Variants in SYT10 observed in about 807,000 individuals in gnomAD.
SYT10 encodes the protein synaptotagmin-10.
Under a neutral mutation model 51.1 loss-of-function variants are expected in SYT10, and 31 were observed. The observed-to-expected ratio is 0.61, with a 90% confidence interval of 0.46 to 0.82. SYT10 has a LOEUF of 0.82. Among genes scored for constraint, SYT10 ranks in the 40% least tolerant of loss-of-function variants. SYT10 has a pLI of 0.00. For synonymous variants in SYT10, 233 were observed against 225.9 expected, an observed-to-expected ratio of 1.03 and a Z score of -0.28; for missense variants, 603 against 634.0, an observed-to-expected ratio of 0.95 and a Z score of 0.53.
At chr12:33,408,890 T>G (rs1866381690) in intron 2 of SYT10, among the ~76,000 whole-genome samples, 1 of 152,220 alleles carries the variant, frequency 6.6e-6, no homozygotes, top group Non-Finnish European at 1.5e-5. Flanking sequence ...CCTTTACCCA[T>G]AGGATTTACT....
chr12:33,401,994 T>C (rs1866310996), intron 3 of SYT10, among the ~76,000 whole-genome samples: 1 of 152,220 alleles, frequency 6.6e-6, no homozygotes, highest in Admixed American at 6.5e-5. Flanking sequence ...AGACAATGCT[T>C]CCATTAGCAT....
chr12:33,426,161 A>C lies in SYT10; in HGVS notation c.486T>G (p.Ile162Met). 1 of 1,606,242 alleles carries C rather than the reference A, an allele frequency of 6.2e-7. No homozygotes were observed. Among genetic ancestry groups the C allele is most frequent in the Non-Finnish European group, 8.5e-7 (1 of 1,178,036 alleles). The change falls in exon 2 of 7, where the codon ATT becomes ATG. Residue 162 changes from isoleucine to methionine, a missense_variant. Ile to Met is a conservative substitution (Grantham distance 10). Coordinates refer to ENST00000228567, the MANE Select transcript of SYT10 (RefSeq NM_198992.4). ...ACCGGGTTGATGACGTAGGCTCAGT[A>C]ATTTGTCTTTGCACACGTGCATGTT... Reference protein sequence around the residue: ...LIKHARVQRQITEPTSSTRHS... With the variant: ...LIKHARVQRQMTEPTSSTRHS...
intron 2 of SYT10, among the ~76,000 whole-genome samples, chr12:33,413,071 G>T (rs1403197046): frequency 6.6e-6 from 1 of 152,194 alleles, no homozygotes; most frequent in Non-Finnish European, 1.5e-5. Context: ...TCAAGTGGAA[G>T]AAAGGGTATC....
intron 1 of SYT10, among the ~76,000 whole-genome samples, chr12:33,427,662 A>T (rs1866563998): frequency 6.6e-6 from 1 of 152,248 alleles, no homozygotes; most frequent in African/African-American, 2.4e-5. Flanking sequence ...ATTGCTTGCC[A>T]TAGCAATTAT....
intron 3 of SYT10, among the ~76,000 whole-genome samples, chr12:33,398,609 C>A (rs1243698106): frequency 6.6e-6 from 1 of 152,102 alleles, no homozygotes; most frequent in Non-Finnish European, 1.5e-5. Context: ...AACTTTCTGA[C>A]TTGAATAGAA....
intron 2 of SYT10, among the ~76,000 whole-genome samples, chr12:33,423,550 G>A (rs1293636283): frequency 6.6e-6 from 1 of 152,080 alleles, no homozygotes; most frequent in Admixed American, 6.6e-5. Flanking sequence ...TAAGGGTTTT[G>A]AGAACTAGAA....
At chr12:33,424,690 A>C (rs1866534524) in intron 2 of SYT10, among the ~76,000 whole-genome samples, 1 of 152,022 alleles carries the variant, frequency 6.6e-6, no homozygotes. Context: ...AACATGTAAA[A>C]AAAAGTGGCT....
intron 5 of SYT10, among the ~76,000 whole-genome samples, chr12:33,381,317 G>A (rs754872744): frequency 6.6e-6 from 1 of 152,226 alleles, no homozygotes; most frequent in Non-Finnish European, 1.5e-5. Flanking sequence ...AGCCAGAGGA[G>A]AGCACATTAA....
intron 2 of SYT10, among the ~76,000 whole-genome samples, chr12:33,419,440 G>A (rs1390211830): frequency 2.6e-5 from 4 of 152,080 alleles, no homozygotes; most frequent in Non-Finnish European, 4.4e-5. Context: ...AAAAGCTAGA[G>A]AAACAACTGG....
intron 1 of SYT10, among the ~76,000 whole-genome samples, chr12:33,436,897 T>C (rs1026774938): frequency 1.3e-5 from 2 of 152,200 alleles, no homozygotes; most frequent in Admixed American, 6.5e-5. Context: ...GATGTCTTCC[T>C]ACCAAAAATG....
At chr12:33,427,196 T>C (rs1285295982) in intron 1 of SYT10, among the ~76,000 whole-genome samples, 1 of 152,000 alleles carries the variant, frequency 6.6e-6, no homozygotes, top group Non-Finnish European at 1.5e-5. Context: ...GGGAGGGCAT[T>C]AGGTCATGAG....
At chr12:33,408,398 A>G (rs1263463064) in intron 2 of SYT10, 1 of 152,168 alleles carries the variant, frequency 6.6e-6, no homozygotes, top group Non-Finnish European at 1.5e-5. Flanking sequence ...TGAATTTCCT[A>G]TAGTCACTAT....
At chr12:33,435,283 A>C (rs190733942) in intron 1 of SYT10, among the ~76,000 whole-genome samples, 5 of 152,364 alleles carry the variant, frequency 3.3e-5, no homozygotes, top group Non-Finnish European at 5.9e-5. Context: ...AGGTTAAAGC[A>C]AAAAGAAATT....
At chr12:33,426,062 TCACA>T (rs3046353) in intron 2 of SYT10, 72 bp downstream of exon 2, 27,314 of 1,193,606 alleles carry the variant, frequency 0.023, 498 homozygotes, top group African/African-American at 0.13. Context: ...TTATGAAATT[TCACA>T]CACACACACA....
intron 3 of SYT10, among the ~76,000 whole-genome samples, chr12:33,386,987 A>G (rs1317599145): frequency 2.0e-5 from 3 of 152,218 alleles, no homozygotes; most frequent in Non-Finnish European, 2.9e-5. Flanking sequence ...TGGACAATGG[A>G]CAATTTAGGA....
chr12:33,437,572 T>C (rs776171946), intron 1 of SYT10, among the ~76,000 whole-genome samples: 8 of 152,186 alleles, frequency 5.3e-5, no homozygotes, highest in Non-Finnish European at 7.3e-5. Context: ...AAACCACTAT[T>C]TGGTGTGTGA....
intron 2 of SYT10, 83 bp from the exon 3 acceptor site, chr12:33,407,439 C>T: frequency 7.1e-7 from 1 of 1,408,048 alleles, no homozygotes. Context: ...AAACTCTTCC[C>T]CACCCCCAGA....
intron 2 of SYT10, chr12:33,423,985 T>TTTC: frequency 2.2e-6 from 1 of 455,766 alleles, no homozygotes; most frequent in Admixed American, 2.4e-5. Flanking sequence ...TCAAAATTCT[T>TTTC]TTCTTCTTCT....
chr12:33,418,444 T>C (rs1866473902), intron 2 of SYT10, among the ~76,000 whole-genome samples: 1 of 152,202 alleles, frequency 6.6e-6, no homozygotes, highest in Admixed American at 6.5e-5. Context: ...CCCAAATTTA[T>C]ATATGTATCA....
Sources: allele counts gnomAD v4.1 joint callset (sites outside exome capture counted in the v4.1 genomes callset), GRCh38; gene constraint gnomAD v4.1.1; transcripts MANE v1.5; gene names NCBI Gene and HGNC (gene_info 2026-07-23, HGNC 2026-07-21).